Variants in KCNQ3 observed in about 807,000 individuals in gnomAD.
KCNQ3 encodes the protein potassium voltage-gated channel subfamily KQT member 3.
Under a neutral mutation model 92.5 loss-of-function variants are expected in KCNQ3, and 30 were observed. The observed-to-expected ratio is 0.32, with a 90% confidence interval of 0.24 to 0.44. The LOEUF is 0.44. KCNQ3 is among the 20% of genes least tolerant of loss of function. The pLI is 1.00. For synonymous variants in KCNQ3, 450 were observed against 468.8 expected (o/e 0.96, Z 0.52); for missense variants, 913 against 1,140.3 (o/e 0.80, Z 2.87).
At chr8:132,396,354 A>G (rs1379642224) in intron 1 of KCNQ3, among the ~76,000 whole-genome samples, 1 of 151,830 alleles carries the variant, frequency 6.6e-6, no homozygotes, top group East Asian at 1.9e-4. Flanking sequence ...TGAGAGAAAA[A>G]CTTCCACTTA....
intron 14 of KCNQ3, 113 bp downstream of exon 14, chr8:132,132,063 GGGCA>G: frequency 1.3e-6 from 1 of 746,768 alleles, no homozygotes; most frequent in Non-Finnish European, 2.3e-6. Flanking sequence ...ACTCCAGCCT[GGGCA>G]ACAGAGTGAA....
chr8:132,460,423 T>C (rs2130857782), intron 1 of KCNQ3, among the ~76,000 whole-genome samples: 1 of 152,298 alleles, frequency 6.6e-6, no homozygotes, highest in Middle Eastern at 3.4e-3. Context: ...TCCATTTACT[T>C]TTCTGTAAAC....
intron 11 of KCNQ3, 53 bp downstream of exon 11, chr8:132,140,023 T>C: frequency 8.1e-7 from 1 of 1,234,476 alleles, no homozygotes; most frequent in Non-Finnish European, 1.1e-6. Flanking sequence ...CTGTGGGAGT[T>C]GAGCTGGAGC....
intron 1 of KCNQ3, among the ~76,000 whole-genome samples, chr8:132,434,894 G>A (rs554471191): frequency 5.3e-5 from 8 of 152,344 alleles, no homozygotes; most frequent in Admixed American, 6.5e-5. Context: ...TTAAAGGCTA[G>A]GTAGGGGTCA....
intron 1 of KCNQ3, among the ~76,000 whole-genome samples, chr8:132,368,240 G>A (rs113250352): frequency 0.019 from 2,948 of 152,294 alleles, 34 homozygotes; most frequent in Non-Finnish European, 0.025. Flanking sequence ...AGGGCGTTAA[G>A]TGAGGACTTG....
chr8:132,460,960 A>G (rs1014497187), intron 1 of KCNQ3, among the ~76,000 whole-genome samples: 5 of 152,282 alleles, frequency 3.3e-5, no homozygotes, highest in East Asian at 1.9e-4. Context: ...TTTCTCTACA[A>G]TGTCATATAA....
chr8:132,458,959 CCCAGGATCCCAT>C (rs1336926775), intron 1 of KCNQ3, among the ~76,000 whole-genome samples: 24 of 152,168 alleles, frequency 1.6e-4, no homozygotes, highest in African/African-American at 5.6e-4. Flanking sequence ...CCTCTTTTCT[CCCAGGATCCCAT>C]CTAGGATCCC....
chr8:132,264,462 A>C (rs1815911455), intron 1 of KCNQ3, among the ~76,000 whole-genome samples: 1 of 152,206 alleles, frequency 6.6e-6, no homozygotes, highest in Admixed American at 6.5e-5. Flanking sequence ...TTGTGCAGTG[A>C]GTGTAGTGGG....
intron 9 of KCNQ3, among the ~76,000 whole-genome samples, chr8:132,151,758 CTG>C (rs1400717341): frequency 6.6e-6 from 1 of 152,174 alleles, no homozygotes; most frequent in Non-Finnish European, 1.5e-5. Context: ...AGTTTCAAAA[CTG>C]TGTTTCCTGA....
intron 14 of KCNQ3, among the ~76,000 whole-genome samples, chr8:132,130,826 T>C (rs1222250619): frequency 6.6e-6 from 1 of 152,214 alleles, no homozygotes; most frequent in Non-Finnish European, 1.5e-5. Flanking sequence ...GGCACCTTAC[T>C]TGAACTTTTG....
At chr8:132,353,753 G>T (rs533548705) in intron 1 of KCNQ3, among the ~76,000 whole-genome samples, 9 of 152,264 alleles carry the variant, frequency 5.9e-5, no homozygotes, top group Admixed American at 2.6e-4. Flanking sequence ...GGTGGATGTT[G>T]CAGTGAGCCG....
At chr8:132,403,386 C>T (rs1197380627) in intron 1 of KCNQ3, among the ~76,000 whole-genome samples, 39 of 152,180 alleles carry the variant, frequency 2.6e-4, no homozygotes, top group Non-Finnish European at 2.9e-5. Context: ...CTTCTGTGCA[C>T]AGACCTGCAG....
Position 132,141,157 on chromosome 8 carries a change from T to C in KCNQ3, c.1437A>G (p.Lys479=). Residue 479 remains lysine (K), a synonymous_variant, in exon 10 of 15, where the codon AAA becomes AAG. Transcript: ENST00000388996. ...CAGAACTCTGCCAGAAAGCGTAGGC[T>C]TTCATGCGGAAGGCCGTGCGGAAAC... The part of the protein sequence containing the change: ...KERFRTAFRM[K]AYAFWQSSED... The C allele has an allele frequency of 1.2e-6, 2 of 1,614,166 alleles. No homozygotes were observed. Among genetic ancestry groups the C allele is most frequent in the Non-Finnish European group, 8.5e-7 (1 of 1,180,016 alleles).
intron 1 of KCNQ3, among the ~76,000 whole-genome samples, chr8:132,256,715 G>GA (rs1429199992): frequency 6.6e-6 from 1 of 152,024 alleles, no homozygotes; most frequent in Non-Finnish European, 1.5e-5. Context: ...AGTGCTGAAA[G>GA]AAAAAATACT....
intron 1 of KCNQ3, among the ~76,000 whole-genome samples, chr8:132,383,894 T>C (rs1291094843): frequency 6.6e-6 from 1 of 152,164 alleles, no homozygotes; most frequent in African/African-American, 2.4e-5. Context: ...CCTCTCTGGG[T>C]CTCAGTTTCT....
At chr8:132,172,793 T>A (rs1826421731) in intron 6 of KCNQ3, 100 bp from the exon 7 acceptor site, 1 of 833,758 alleles carries the variant, frequency 1.2e-6, no homozygotes, top group Non-Finnish European at 2.1e-6. Context: ...TCAATTGCAC[T>A]TCAAGTCCTT....
chr8:132,166,866 T>C (rs1252704735), intron 8 of KCNQ3, among the ~76,000 whole-genome samples: 1 of 152,182 alleles, frequency 6.6e-6, no homozygotes, highest in Non-Finnish European at 1.5e-5. Context: ...GCAGCCACTA[T>C]GGAAAACAGT....
chr8:132,443,258 AC>A (rs1239075260), intron 1 of KCNQ3, among the ~76,000 whole-genome samples: 2 of 151,446 alleles, frequency 1.3e-5, no homozygotes, highest in South Asian at 4.2e-4. Flanking sequence ...CATCCCTTCC[AC>A]CCCCAGCACT....
At chr8:132,448,485 G>A (rs1408891175) in intron 1 of KCNQ3, among the ~76,000 whole-genome samples, 1 of 133,898 alleles carries the variant, frequency 7.5e-6, no homozygotes, top group East Asian at 2.2e-4. Flanking sequence ...GCTCTAAGGG[G>A]GAAGAAGGAG....
Sources: gnomAD v4.1 joint callset for allele counts (sites outside exome capture counted in the v4.1 genomes callset) on GRCh38, gnomAD v4.1.1 for gene constraint, MANE v1.5 for transcripts, NCBI Gene and HGNC (gene_info 2026-07-23, HGNC 2026-07-21) for gene names.